CNTLN: variants seen among roughly 807,000 people sequenced by gnomAD.
The protein encoded by CNTLN is centlein, centrosomal protein.
In CNTLN, 212 loss-of-function variants were observed where a neutral mutation model predicts 180.0. The ratio of observed to expected loss-of-function variants is 1.18; its 90% CI spans 1.05 to 1.32. The LOEUF is 1.32. CNTLN is among the 40% of genes most tolerant of loss of function. The pLI is 0.00. For missense variants in CNTLN, 2,095 were observed against 1,610.9 expected (o/e 1.30, Z -5.14); for synonymous variants, 722 against 563.1 (o/e 1.28, Z -3.99).
At chr9:17,498,935 G>A (rs1376617193) in intron 25 of CNTLN, among the ~76,000 whole-genome samples, 1 of 152,136 alleles carries the variant, frequency 6.6e-6, no homozygotes, top group Admixed American at 6.5e-5. Flanking sequence ...CTCCCTCAGA[G>A]ATTTCTAAGG....
At chr9:17,307,875 G>A (rs183871266) in intron 7 of CNTLN, among the ~76,000 whole-genome samples, 350 of 151,872 alleles carry the variant, frequency 2.3e-3, no homozygotes, top group African/African-American at 7.7e-3. Flanking sequence ...AAGTAAATGA[G>A]CAAACCTAAA....
At chr9:17,217,321 G>A (rs1226490887) in intron 2 of CNTLN, among the ~76,000 whole-genome samples, 2 of 152,150 alleles carry the variant, frequency 1.3e-5, no homozygotes, top group African/African-American at 4.8e-5. Context: ...AAAATTCCCA[G>A]AACATTGAAC....
the CNTLN span, among the ~76,000 whole-genome samples, chr9:17,512,847 T>C: frequency 6.5e-3 from 993 of 152,256 alleles, 4 homozygotes; most frequent in Non-Finnish European, 0.011. Context: ...GATGGAGTCT[T>C]GCTCTGTCAC....
chr9:17,406,203 C>T (rs763803278), intron 15 of CNTLN, among the ~76,000 whole-genome samples: 4 of 151,836 alleles, frequency 2.6e-5, no homozygotes, highest in Non-Finnish European at 5.9e-5. Context: ...TACATCTACT[C>T]TGTCAGGAAA....
At position 17,457,639 on chromosome 9, in the gene CNTLN, C is replaced by T; in HGVS notation, c.3230C>T (p.Pro1077Leu). 6.4e-7 allele frequency: 1 copy of T among 1,552,154 alleles called. No homozygotes were observed. Among genetic ancestry groups the T allele is most frequent in the East Asian group, 2.4e-5 (1 of 41,056 alleles). The change falls in exon 19 of 26, where the codon CCA becomes CTA. Residue 1077 changes from proline to leucine, a missense_variant. Transcript: ENST00000380647. ...LAEENSQVTFPRIQVTSLSPS... is the reference protein window; with the variant it reads ...LAEENSQVTFLRIQVTSLSPS... The stretch of plus-strand genomic sequence containing the variant: ...GAAGAAAATTCCCAGGTAACATTTC[C>T]ACGGATACAAGTTACATCACTTAGT...
intron 12 of CNTLN, among the ~76,000 whole-genome samples, chr9:17,359,717 T>TA (rs1456379699): frequency 2.2e-4 from 3 of 13,496 alleles, no homozygotes; most frequent in Non-Finnish European, 3.5e-4. Context: ...CCGTCTATAC[T>TA]AAAAATACAA....
intron 10 of CNTLN, among the ~76,000 whole-genome samples, chr9:17,339,090 C>T (rs941923001): frequency 1.3e-5 from 2 of 152,096 alleles, no homozygotes; most frequent in South Asian, 2.1e-4. Flanking sequence ...CAACTGAATC[C>T]ATTCTGCTTT....
chr9:17,350,174 A>C (rs923652281), intron 12 of CNTLN, among the ~76,000 whole-genome samples: 2 of 152,230 alleles, frequency 1.3e-5, no homozygotes, highest in Non-Finnish European at 2.9e-5. Context: ...TAAGGGGCTC[A>C]AGTGCAGCAG....
At chr9:17,252,127 A>T (rs1169068026) in intron 5 of CNTLN, among the ~76,000 whole-genome samples, 1 of 151,692 alleles carries the variant, frequency 6.6e-6, no homozygotes, top group Non-Finnish European at 1.5e-5. Flanking sequence ...TTCTTTATGC[A>T]TTACTTTGGT....
At chr9:17,498,891 A>T (rs1555420) in intron 25 of CNTLN, among the ~76,000 whole-genome samples, 1 of 152,082 alleles carries the variant, frequency 6.6e-6, no homozygotes, top group Non-Finnish European at 1.5e-5. Flanking sequence ...CTAAAATCCT[A>T]TTAGTAAAAG....
intron 15 of CNTLN, among the ~76,000 whole-genome samples, chr9:17,399,308 C>T (rs566051728): frequency 1.3e-5 from 2 of 152,246 alleles, no homozygotes; most frequent in South Asian, 2.1e-4. Flanking sequence ...GAGGGAAAAT[C>T]ATTTTTTTCC....
chr9:17,262,163 G>A (rs1462435651), intron 5 of CNTLN, among the ~76,000 whole-genome samples: 14 of 151,546 alleles, frequency 9.2e-5, no homozygotes, highest in Non-Finnish European at 1.3e-4. Context: ...GGAAGACAGT[G>A]TGGCGATTCC....
intron 7 of CNTLN, chr9:17,299,018 C>A (rs571297495): frequency 2.6e-6 from 2 of 756,706 alleles, no homozygotes; most frequent in African/African-American, 1.9e-5. Context: ...CTGAGGCGGG[C>A]GAATCACAAG....
chr9:17,217,611 A>T (rs1189584430), intron 2 of CNTLN, among the ~76,000 whole-genome samples: 1 of 152,240 alleles, frequency 6.6e-6, no homozygotes, highest in Non-Finnish European at 1.5e-5. Flanking sequence ...TCTGTTCTGA[A>T]GTGCTGATTT....
In CNTLN at chr9:17,312,363, ATT is replaced by A. The variant is rs1819210824; in HGVS notation, c.1341+3112_1341+3113del. On this transcript the variant is annotated intron_variant, in intron 8 of 25. Transcript: ENST00000380647. ...TGTATTTATATATATATATATATAT[ATT>A]ATATATATATATATATATAATTTAT... Among the ~76,000 whole-genome samples the A allele has an allele frequency of 3.3e-4, 5 of 15,152 alleles. No homozygotes were observed. The South Asian group carries it at 7.0e-3, about 21-fold the overall frequency. 9.9% of individuals were successfully genotyped at this position (15,152 alleles called of 152,430 possible). A position where few individuals can be genotyped will look rare whatever the true frequency, so the allele number is the denominator to read the frequency against.
chr9:17,483,410 G>T (rs147299140), intron 23 of CNTLN, among the ~76,000 whole-genome samples: 152 of 152,240 alleles, frequency 1.0e-3, no homozygotes, highest in Admixed American at 3.5e-3. Flanking sequence ...AGTAACAGCT[G>T]TCAAAATTAT....
chr9:17,387,043 T>C (rs1415818295), intron 13 of CNTLN, among the ~76,000 whole-genome samples: 1 of 152,210 alleles, frequency 6.6e-6, no homozygotes, highest in Non-Finnish European at 1.5e-5. Context: ...TAGCTTTTAT[T>C]ATCCTTCGGA....
chr9:17,316,035 GT>G lies in CNTLN; in HGVS notation c.1341+6790del, dbSNP rs1247217318. ...TGTTTCCATGCTGATCTTCTGTCTA[GT>G]TTTTTTCCCCATCATTATTGTTTAA... is the stretch of plus-strand genomic sequence containing the variant. On this transcript the variant is annotated intron_variant, in intron 8 of 25. Coordinates refer to ENST00000380647, the MANE Select transcript of CNTLN (RefSeq NM_017738.4). 4.2e-4 allele frequency among the ~76,000 whole-genome samples: 63 copies of G among 151,778 alleles called. 1 individual carries two copies. Among genetic ancestry groups the G allele is most frequent in the Middle Eastern group, 3.4e-3 (1 of 294 alleles).
chr9:17,439,425 C>T (rs936144919), intron 18 of CNTLN, among the ~76,000 whole-genome samples: 15 of 151,806 alleles, frequency 9.9e-5, no homozygotes, highest in South Asian at 4.2e-4. Flanking sequence ...ATATCTGATG[C>T]GAATTTATAG....
Sources: allele counts gnomAD v4.1 joint callset (sites outside exome capture counted in the v4.1 genomes callset), GRCh38; gene constraint gnomAD v4.1.1; transcripts MANE v1.5; gene names NCBI Gene and HGNC (gene_info 2026-07-23, HGNC 2026-07-21).